Variants in PSG6 observed in about 807,000 individuals in gnomAD.
The protein encoded by PSG6 is pregnancy-specific beta-1-glycoprotein 6.
Under a neutral mutation model 43.3 loss-of-function variants are expected in PSG6, and 51 were observed. The observed-to-expected ratio is 1.18, with a 90% CI of 0.94 to 1.49. The LOEUF (loss-of-function observed/expected upper bound fraction) is 1.49, where lower values mean the gene tolerates loss of function less well. Ranked by LOEUF, PSG6 falls within the 40% of genes most tolerant of loss-of-function variation. The pLI is 0.00. For synonymous variants in PSG6, 292 were observed against 197.6 expected (o/e 1.48, Z -4.01); for missense variants, 770 against 522.2 (o/e 1.47, Z -4.62).
chr19:42,910,137 G>T, intron 3 of PSG6: 1 of 291,050 alleles, frequency 3.4e-6, no homozygotes. Context: ...ATGGTAATAG[G>T]TGTATGAGGA....
intron 5 of PSG6, among the ~76,000 whole-genome samples, chr19:42,904,233 G>A (rs1972078941): frequency 6.6e-6 from 1 of 151,658 alleles, no homozygotes; most frequent in Non-Finnish European, 1.5e-5. Flanking sequence ...CCCTGTATGA[G>A]CAGGAAAAGA....
At position 42,907,811 on chromosome 19, in the gene PSG6, G is replaced by T; in HGVS notation, c.750C>A (p.Pro250=). 1 of 1,611,524 alleles carries T rather than the reference G, an allele frequency of 6.2e-7. No homozygotes were observed. Among genetic ancestry groups the T allele is most frequent in the African/African-American group, 1.3e-5 (1 of 74,808 alleles). The change falls in exon 4 of 6, where the codon CCC becomes CCA. Residue 250 remains proline, a synonymous_variant. Transcript: ENST00000187910. Reference sequence around the variant, plus strand: ...AGGCTAACACATCCTTCTTCTCCCTGGGGTTTAAGTTGTTGATGGTGATGT... The same window carrying T: ...AGGCTAACACATCCTTCTTCTCCCTTGGGTTTAAGTTGTTGATGGTGATGT... ...MPYITINNLN[P]REKKDVLAFT... is the part of the protein sequence containing the mutation.
At chr19:42,906,355 G>A (rs1356731228) in intron 5 of PSG6, among the ~76,000 whole-genome samples, 1 of 151,526 alleles carries the variant, frequency 6.6e-6, no homozygotes, top group African/African-American at 2.4e-5. Context: ...TTCAGGACAG[G>A]CCACCAGGGC....
chr19:42,910,381 C>A lies in PSG6; in HGVS notation c.706+199G>T, dbSNP rs879245408. On this transcript the variant is annotated intron_variant, in intron 3 of 5. Transcript: ENST00000187910. ...GCTGTGGAACCTGAGTCTCCCATGACAGGAGAAGCCTCTTCTCTCTTATTG... is the reference window on the plus strand; with the variant it reads ...GCTGTGGAACCTGAGTCTCCCATGAAAGGAGAAGCCTCTTCTCTCTTATTG... 6 of 1,368,256 alleles carry A rather than the reference C, an allele frequency of 4.4e-6. No individual in the cohort carries two copies. The African/African-American group carries it at 5.8e-5, about 13-fold the overall frequency. 84.8% of individuals were successfully genotyped at this position (1,368,256 alleles called of 1,614,324 possible). A position where few individuals can be genotyped will look rare whatever the true frequency, so the allele number is the denominator to read the frequency against.
At chr19:42,911,838 T>A (rs1023698853) in intron 2 of PSG6, among the ~76,000 whole-genome samples, 7 of 151,610 alleles carry the variant, frequency 4.6e-5, no homozygotes, top group African/African-American at 1.5e-4. Context: ...CTACTCTATG[T>A]ACCTCATATC....
In PSG6 at chr19:42,916,185, T is replaced by A. The variant is rs771757426; in HGVS notation, c.367A>T (p.Ile123Phe). The A allele has an allele frequency of 6.2e-7, 1 of 1,612,146 alleles. No homozygotes were observed. The highest frequency in any genetic ancestry group is 1.1e-5 in the South Asian group (1 of 90,636). ...QEDAGSYTLH[I>F]IKRGDGTGGV... Reference sequence around the variant, plus strand: ...CCAGTCCCATCGCCTCGCTTTATGATGTGTAAGGTGTAGGATCCTGCATCC... The same window carrying A: ...CCAGTCCCATCGCCTCGCTTTATGAAGTGTAAGGTGTAGGATCCTGCATCC... Residue 123 changes from isoleucine (I) to phenylalanine (F), a missense_variant, in exon 2 of 6, where the codon ATC (isoleucine) becomes TTC (phenylalanine). Physicochemically the swap from Ile to Phe is conservative, Grantham distance 21 (BLOSUM62 0). Coordinates refer to ENST00000187910, the MANE Select transcript of PSG6 (RefSeq NM_001031850.4).
intron 1 of PSG6, among the ~76,000 whole-genome samples, chr19:42,917,362 TC>T (rs1306183996): frequency 0.01 from 1,357 of 130,818 alleles, 43 homozygotes; most frequent in African/African-American, 0.04. Flanking sequence ...TTCTTTTTAT[TC>T]TTTTTTTTTT....
chr19:42,905,582 T>C (rs965276210), intron 5 of PSG6, among the ~76,000 whole-genome samples: 3 of 151,638 alleles, frequency 2.0e-5, no homozygotes, highest in Non-Finnish European at 2.9e-5. Flanking sequence ...ACATACTCCC[T>C]ATAGAATTGA....
Position 42,917,848 on chromosome 19 carries a change from T to C in PSG6, c.-56A>G, listed in dbSNP as rs1972369082. 8 of 1,581,950 alleles carry C rather than the reference T, an allele frequency of 5.1e-6. No homozygotes were observed. Among genetic ancestry groups the C allele is most frequent in the Non-Finnish European group, 6.0e-6 (7 of 1,160,056 alleles). ...GGAGATGAGCCTAGGATCCAGAGAC[T>C]TCCTGAGCAGGGCTGTCAGGTGTGC... is the stretch of plus-strand genomic sequence containing the variant. On this transcript the variant is annotated 5_prime_UTR_variant, in exon 1 of 6. Coordinates refer to ENST00000187910, the MANE Select transcript of PSG6 (RefSeq NM_001031850.4).
In PSG6 at chr19:42,903,349, AAG is replaced by A. The variant is rs1286828891; in HGVS notation, c.1241-905_1241-904del. Reference sequence around the variant, plus strand: ...TAAACTCTTACATTAAAAAAGAAGAAAGAGCTCAGGTCAACAACCTACTTTAA... The same window carrying A: ...TAAACTCTTACATTAAAAAAGAAGAAAGCTCAGGTCAACAACCTACTTTAA... On this transcript the variant is annotated intron_variant, in intron 5 of 5. Transcript: ENST00000187910. Among the ~76,000 whole-genome samples, 4 of 151,610 alleles carry A rather than the reference AAG, an allele frequency of 2.6e-5. No homozygotes were observed. In the East Asian group the frequency reaches 7.7e-4, roughly 29 times the overall value.
rs116219239 is a variant in PSG6 at position 42,905,632 on chromosome 19, A to G, written c.1240+1290T>C. ...AATATTTGTACACTGATGTACAGAG[A>G]AGCATTACTCACACTAGCCAAAAAT... On this transcript the variant is annotated intron_variant, in intron 5 of 5. Coordinates refer to ENST00000187910, the MANE Select transcript of PSG6 (RefSeq NM_001031850.4). 8.4e-3 allele frequency among the ~76,000 whole-genome samples: 1,272 copies of G among 151,854 alleles called. 41 individuals carry two copies. Among genetic ancestry groups the G allele is most frequent in the African/African-American group, 0.03 (1,224 of 41,390 alleles).
chr19:42,906,413 C>G (rs1972112984), intron 5 of PSG6, among the ~76,000 whole-genome samples: 1 of 151,486 alleles, frequency 6.6e-6, no homozygotes, highest in African/African-American at 2.4e-5. Context: ...TCAGGCAGGG[C>G]CAGGCCAGTC....
intron 5 of PSG6, 80 bp from the exon 6 acceptor site, chr19:42,902,526 C>T (rs1389800187): frequency 6.4e-7 from 1 of 1,570,656 alleles, no homozygotes; most frequent in Non-Finnish European, 8.7e-7. Context: ...CCACAGGCTC[C>T]CAGCAAGGGT....
chr19:42,903,344 G>A (rs1972063839), intron 5 of PSG6, among the ~76,000 whole-genome samples: 1 of 151,482 alleles, frequency 6.6e-6, no homozygotes, highest in South Asian at 2.1e-4. Context: ...CATTAAAAAA[G>A]AAGAAAGAGC....
chr19:42,907,854 G>C lies in PSG6; in HGVS notation c.707C>G (p.Pro236Arg). 1 of 1,610,602 alleles carries C rather than the reference G, an allele frequency of 6.2e-7. No homozygotes were observed. Among genetic ancestry groups the C allele is most frequent in the Non-Finnish European group, 8.5e-7 (1 of 1,178,848 alleles). ...GGTGATGTAAGGCATGGGCAGCTTC[G>C]CTGTGTGGATAACAGAAGATTGTCC... ...RSDPVTLNLL[P>R]KLPMPYITIN... Residue 236 changes from proline to arginine, a missense_variant and splice_region_variant, in exon 4 of 6, where the codon CCG becomes CGG. Pro to Arg is a moderately radical substitution (Grantham distance 103). Transcript: ENST00000187910.
Position 42,912,393 on chromosome 19 carries a change from A to G in PSG6, c.428-1535T>C, listed in dbSNP as rs1423904202. Among the ~76,000 whole-genome samples the G allele has an allele frequency of 1.4e-4, 21 of 151,738 alleles. 1 individual carries two copies. Among genetic ancestry groups the G allele is most frequent in the Admixed American group, 3.3e-4 (5 of 15,206 alleles). On this transcript the variant is annotated intron_variant, in intron 2 of 5. Coordinates refer to ENST00000187910, the MANE Select transcript of PSG6 (RefSeq NM_001031850.4). ...CATCTAAGATCAATTGCTGGTAGTC[A>G]TATTTCTCTTGAGACCAAAATAAGG...
At position 42,910,775 on chromosome 19, in the gene PSG6, C is replaced by G; in HGVS notation, c.511G>C (p.Glu171Gln). Residue 171 changes from glutamate to glutamine, a missense_variant, in exon 3 of 6, where the codon GAG becomes CAG. Glu to Gln is a conservative substitution (Grantham distance 29). Transcript: ENST00000187910. The part of the protein sequence containing the change: ...MEAVRLICDP[E>Q]TPDASYLWLL... Reference sequence around the variant, plus strand: ...CACAGGTAGCTTGCATCCGGAGTCTCAGGATCACAGATTAAGCGCACAGCC... The same window carrying G: ...CACAGGTAGCTTGCATCCGGAGTCTGAGGATCACAGATTAAGCGCACAGCC... 1 of 1,612,362 alleles carries G rather than the reference C, an allele frequency of 6.2e-7. No homozygotes were observed. Among genetic ancestry groups the G allele is most frequent in the Non-Finnish European group, 8.5e-7 (1 of 1,179,252 alleles).
chr19:42,903,595 T>A, intron 5 of PSG6: 1 of 1,396,504 alleles, frequency 7.2e-7, no homozygotes, highest in Non-Finnish European at 9.4e-7. Context: ...ACTCAAATCA[T>A]AAATGAAAAT....
At position 42,907,753 on chromosome 19, in the gene PSG6, A is replaced by T. The variant is rs2122626291; in HGVS notation, c.808T>A (p.Tyr270Asn). Residue 270 changes from tyrosine to asparagine, a missense_variant, in exon 4 of 6, where the codon TAC (tyrosine) becomes AAC (asparagine). By Grantham distance (143) the Tyr-to-Asn change is moderately radical (BLOSUM62 -2). Transcript: ENST00000187910. ...TCEPKSRNYT[Y>N]IWWLNGQSLP... Reference sequence around the variant, plus strand: ...CTCTGACCATTTAGCCACCAAATGTAGGTGTAGTTCCGACTCTTAGGTTCA... The same window carrying T: ...CTCTGACCATTTAGCCACCAAATGTTGGTGTAGTTCCGACTCTTAGGTTCA... The T allele has an allele frequency of 6.2e-7, 1 of 1,610,850 alleles. No individual in the cohort carries two copies. The highest frequency in any genetic ancestry group is 2.2e-5 in the East Asian group (1 of 44,806).
Sources: allele counts gnomAD v4.1 joint callset (sites outside exome capture counted in the v4.1 genomes callset), GRCh38; gene constraint gnomAD v4.1.1; transcripts MANE v1.5; gene names NCBI Gene and HGNC (gene_info 2026-07-23, HGNC 2026-07-21).